The following GRIN2A variants were observed in gnomAD, a reference collection of about 807,000 sequenced individuals.
GRIN2A encodes glutamate ionotropic receptor NMDA type subunit 2A.
GRIN2A carries 22 observed loss-of-function variants against 113.4 expected under a neutral mutation model. That is an observed-to-expected ratio of 0.19 (90% CI 0.14 to 0.28). The LOEUF is 0.28. Ranked by LOEUF, GRIN2A falls within the 10% of genes least tolerant of loss-of-function variation. The pLI, the probability that GRIN2A is intolerant of heterozygous loss-of-function variation, is 1.00. For missense variants in GRIN2A, 1,502 were observed against 1,887.0 expected (o/e 0.80, Z 3.78); for synonymous variants, 827 against 738.4 (o/e 1.12, Z -1.94).
intron 2 of GRIN2A, among the ~76,000 whole-genome samples, chr16:9,963,778 A>G (rs2045492901): frequency 6.6e-6 from 1 of 152,180 alleles, no homozygotes; most frequent in Non-Finnish European, 1.5e-5. Flanking sequence ...TTCAACAGAT[A>G]TTTACTATAT....
rs977880249 is a variant in GRIN2A, at chr16:9,903,163, G to A, written c.1008-12063C>T. Among the ~76,000 whole-genome samples, 7 of 152,046 alleles carry A rather than the reference G, an allele frequency of 4.6e-5. No individual in the cohort carries two copies. In the East Asian group the frequency reaches 5.8e-4, roughly 13 times the overall value. ...TTTTTGTATTTTTAGTAGAGACGGG[G>A]TTTCACTGTGTTAGCCAGGATGGTC... On this transcript the variant is annotated intron_variant, in intron 3 of 12. Coordinates refer to ENST00000330684, the MANE Select transcript of GRIN2A (RefSeq NM_001134407.3).
chr16:9,754,088 G>T lies in GRIN2A; in HGVS notation c.*9061C>A, dbSNP rs1343286006. 5.4e-6 allele frequency: 1 copy of T among 184,328 alleles called. No individual in the cohort carries two copies. Among genetic ancestry groups the T allele is most frequent in the African/African-American group, 2.3e-5 (1 of 42,588 alleles). 11.4% of individuals were successfully genotyped at this position (184,328 alleles called of 1,614,324 possible). A position where few individuals can be genotyped will look rare whatever the true frequency, so the allele number is the denominator to read the frequency against. On this transcript the variant is annotated 3_prime_UTR_variant, in exon 13 of 13. Coordinates refer to ENST00000330684, the MANE Select transcript of GRIN2A (RefSeq NM_001134407.3). ...GAAGGCCATTATTTATAATTTTTAT[G>T]ATCTAATTCTTATTCAAGCTACCAA...
intron 2 of GRIN2A, among the ~76,000 whole-genome samples, chr16:10,038,847 C>CAA (rs137915448): frequency 0.1 from 12,657 of 126,684 alleles, 627 homozygotes; most frequent in Non-Finnish European, 0.11. Context: ...GACTCCTTCT[C>CAA]AAAAAAAAAA....
At chr16:9,914,905 C>T (rs866512902) in intron 3 of GRIN2A, among the ~76,000 whole-genome samples, 682 of 33,468 alleles carry the variant, frequency 0.02, 6 homozygotes, top group African/African-American at 0.061. Context: ...GATTATGCAG[C>T]TTTTTTTTTT....
chr16:9,790,984 A>C (rs1220876622), intron 11 of GRIN2A, among the ~76,000 whole-genome samples: 7 of 152,228 alleles, frequency 4.6e-5, no homozygotes, highest in Non-Finnish European at 7.3e-5. Context: ...AATGGCATCT[A>C]ATGTGTGCCA....
chr16:10,066,843 G>A (rs1181322834), intron 2 of GRIN2A, among the ~76,000 whole-genome samples: 1 of 152,240 alleles, frequency 6.6e-6, no homozygotes, highest in Non-Finnish European at 1.5e-5. Flanking sequence ...GCCCATCATA[G>A]CAGCATTATT....
chr16:9,943,652 T>C (rs2044945195), intron 2 of GRIN2A, among the ~76,000 whole-genome samples: 1 of 152,194 alleles, frequency 6.6e-6, no homozygotes, highest in Non-Finnish European at 1.5e-5. Context: ...GCATTTCTCC[T>C]AAAGACACAG....
At chr16:9,934,065 G>A (rs1342835058) in intron 3 of GRIN2A, among the ~76,000 whole-genome samples, 1 of 152,216 alleles carries the variant, frequency 6.6e-6, no homozygotes, top group African/African-American at 2.4e-5. Context: ...GAAACAGATA[G>A]AATCAGAACT....
At chr16:10,085,271 T>C (rs1219564673) in intron 2 of GRIN2A, among the ~76,000 whole-genome samples, 1 of 152,136 alleles carries the variant, frequency 6.6e-6, no homozygotes, top group Non-Finnish European at 1.5e-5. Context: ...AGGCAGGCAC[T>C]TCAAAGGAGG....
At chr16:10,035,976 G>C (rs1318130473) in intron 2 of GRIN2A, among the ~76,000 whole-genome samples, 2 of 152,122 alleles carry the variant, frequency 1.3e-5, no homozygotes, top group African/African-American at 4.8e-5. Context: ...CGCCTGCCTG[G>C]GCCTCCCAAA....
At chr16:9,989,310 A>G (rs907810038) in intron 2 of GRIN2A, among the ~76,000 whole-genome samples, 2 of 152,184 alleles carry the variant, frequency 1.3e-5, no homozygotes, top group African/African-American at 4.8e-5. Flanking sequence ...CATCCAATAA[A>G]TGGTGCTGGG....
chr16:10,096,509 T>C (rs2048291942), intron 2 of GRIN2A, among the ~76,000 whole-genome samples: 1 of 148,464 alleles, frequency 6.7e-6, no homozygotes, highest in Admixed American at 6.8e-5. Flanking sequence ...ATAGTGTTCT[T>C]CTTTTTCAAT....
At chr16:10,099,468 C>T (rs1249583426) in intron 2 of GRIN2A, among the ~76,000 whole-genome samples, 1 of 132,414 alleles carries the variant, frequency 7.6e-6, no homozygotes, top group African/African-American at 2.8e-5. Context: ...GCCATCCTGT[C>T]TCCCTCCCTT....
intron 2 of GRIN2A, among the ~76,000 whole-genome samples, chr16:10,030,643 G>C (rs2046910998): frequency 6.6e-6 from 1 of 152,104 alleles, no homozygotes; most frequent in Admixed American, 6.5e-5. Flanking sequence ...TTTTTATTTT[G>C]TGTTTTTTAC....
chr16:9,768,441 TAGA>T (rs1220060504), intron 12 of GRIN2A, among the ~76,000 whole-genome samples: 2 of 152,346 alleles, frequency 1.3e-5, no homozygotes, highest in African/African-American at 4.8e-5. Context: ...TTTAAAAAAC[TAGA>T]AGACCTGATA....
At chr16:10,035,076 A>AGT (rs1373835514) in intron 2 of GRIN2A, among the ~76,000 whole-genome samples, 1 of 141,472 alleles carries the variant, frequency 7.1e-6, no homozygotes, top group East Asian at 2.8e-4. Context: ...CCCAGGCTGG[A>AGT]GTGCAGTGGC....
intron 3 of GRIN2A, among the ~76,000 whole-genome samples, chr16:9,934,040 G>GA (rs1162678956): frequency 6.6e-6 from 1 of 152,174 alleles, no homozygotes; most frequent in African/African-American, 2.4e-5. Flanking sequence ...GAGAACAGGA[G>GA]AAAACTGGGA....
At chr16:10,091,472 ACACACACACACAC>A (rs1272890925) in intron 2 of GRIN2A, among the ~76,000 whole-genome samples, 23 of 151,474 alleles carry the variant, frequency 1.5e-4, no homozygotes, top group Admixed American at 3.9e-4. Flanking sequence ...ACACACACAC[ACACACACACACAC>A]ACACACAAAC....
chr16:9,822,228 G>C (rs749491273), intron 10 of GRIN2A, 36 bp downstream of exon 10: 3 of 1,606,282 alleles, frequency 1.9e-6, no homozygotes, highest in South Asian at 2.2e-5. Flanking sequence ...TTTATCGCTC[G>C]CAGACCTGTG....
Sources: allele counts gnomAD v4.1 joint callset (sites outside exome capture counted in the v4.1 genomes callset), GRCh38; gene constraint gnomAD v4.1.1; transcripts MANE v1.5; gene names NCBI Gene and HGNC (gene_info 2026-07-23, HGNC 2026-07-21).